Variants in ADGRV1 observed in about 807,000 individuals in gnomAD.
ADGRV1 encodes the protein adhesion G protein-coupled receptor V1.
In ADGRV1, 359 loss-of-function variants were observed where a neutral mutation model predicts 596.2. That is an observed-to-expected ratio of 0.60 (90% confidence interval 0.55 to 0.66). ADGRV1 has a LOEUF of 0.66. Among genes scored for constraint, ADGRV1 ranks in the 30% least tolerant of loss-of-function variants. The probability of loss-of-function intolerance (pLI) is 0.00; values close to 1 mark genes in which losing one functional copy is unlikely to be tolerated. For synonymous variants in ADGRV1, 2,681 were observed against 2,679.2 expected, an observed-to-expected ratio of 1.00 and a Z score of -0.02; for missense variants, 7,274 against 7,575.6, an observed-to-expected ratio of 0.96 and a Z score of 1.48.
Position 90,684,192 on chromosome 5 carries a change from T to C in ADGRV1, c.6271T>C (p.Ser2091Pro). The C allele has an allele frequency of 6.2e-7, 1 of 1,606,678 alleles. No homozygotes were observed. The highest frequency in any genetic ancestry group is 8.5e-7 in the Non-Finnish European group (1 of 1,175,748). The change falls in exon 28 of 90, where the codon TCA (serine) becomes CCA (proline). Residue 2091 changes from serine to proline, a missense_variant. Ser to Pro is a moderately conservative substitution (Grantham distance 74). Around this residue, in one of 5 missense-constraint regions of ADGRV1, gnomAD observed 3,643 missense variants for 3,809.2 expected, o/e 0.96. Coordinates refer to ENST00000405460, the MANE Select transcript of ADGRV1 (RefSeq NM_032119.4). The stretch of plus-strand genomic sequence containing the variant: ...TTTAGTAGCGAAAGTACAGAGTCGT[T>C]CAAGTAAGTATCCCTTAGTGTGTTA... ...STLVAKVQSR[S>P]IPNSPRLGPK... is the part of the protein sequence containing the mutation.
intron 1 of ADGRV1, among the ~76,000 whole-genome samples, chr5:90,573,491 A>G (rs1228822071): frequency 6.6e-6 from 1 of 152,162 alleles, no homozygotes; most frequent in Non-Finnish European, 1.5e-5. Context: ...TACTGTATTG[A>G]ATACTGTAGG....
chr5:90,957,417 G>T (rs183853549), intron 83 of ADGRV1, among the ~76,000 whole-genome samples: 6 of 151,444 alleles, frequency 4.0e-5, no homozygotes, highest in African/African-American at 7.3e-5. Context: ...ACTAGTCTTG[G>T]TGTTAATGAC....
At chr5:90,766,187 G>A (rs1757125715) in intron 59 of ADGRV1, among the ~76,000 whole-genome samples, 1 of 152,108 alleles carries the variant, frequency 6.6e-6, no homozygotes, top group African/African-American at 2.4e-5. Context: ...GGGATTACAG[G>A]CGTGAGCCAC....
intron 7 of ADGRV1, 68 bp from the exon 8 acceptor site, chr5:90,628,494 G>A: frequency 1.5e-6 from 2 of 1,343,132 alleles, no homozygotes; most frequent in Non-Finnish European, 2.1e-6. Flanking sequence ...ACTTGACATT[G>A]GGAAAGCTTA....
At chr5:90,977,878 A>G (rs1779747584) in intron 84 of ADGRV1, among the ~76,000 whole-genome samples, 1 of 152,224 alleles carries the variant, frequency 6.6e-6, no homozygotes. Context: ...CTAATTCTGA[A>G]AAGTATACTT....
chr5:90,796,431 A>T (rs528322461), intron 70 of ADGRV1, among the ~76,000 whole-genome samples: 1 of 152,272 alleles, frequency 6.6e-6, no homozygotes, highest in East Asian at 1.9e-4. Flanking sequence ...TTAGAGAAAA[A>T]AAAAATAAAA....
chr5:90,635,299 G>A lies in ADGRV1; in HGVS notation c.2016+9G>A, dbSNP rs751101663. On this transcript the variant is annotated intron_variant, in intron 10 of 89. Coordinates refer to ENST00000405460, the MANE Select transcript of ADGRV1 (RefSeq NM_032119.4). ...ATTTTGCTGCTGAAGTGGTAAGTAG[G>A]CTCTTTCTTACTGATGGGGGCTAAT... The A allele has an allele frequency of 1.2e-6, 2 of 1,601,818 alleles. No homozygotes were observed. The highest frequency in any genetic ancestry group is 2.2e-5 in the East Asian group (1 of 44,758).
chr5:90,586,705 G>A (rs1260256381), intron 1 of ADGRV1, among the ~76,000 whole-genome samples: 4 of 152,328 alleles, frequency 2.6e-5, no homozygotes, highest in Admixed American at 1.3e-4. Context: ...GAGGCACACC[G>A]TGTCTGGCTC....
At chr5:90,842,146 G>C (rs1373474146) in intron 78 of ADGRV1, among the ~76,000 whole-genome samples, 2 of 152,128 alleles carry the variant, frequency 1.3e-5, no homozygotes, top group African/African-American at 4.8e-5. Flanking sequence ...TGGAAATTCT[G>C]CTACTTTTTG....
At position 90,872,197 on chromosome 5, in the gene ADGRV1, G is replaced by A. The variant is rs1768754886; in HGVS notation, c.17856+8340G>A. Among the ~76,000 whole-genome samples, 4 of 152,234 alleles carry A rather than the reference G, an allele frequency of 2.6e-5. No homozygotes were observed. The South Asian group carries it at 8.3e-4, about 32-fold the overall frequency. ...CAAGCCTGTAACTGTGCCTTTCCTT[G>A]TACTATAGGTAATGTAGACCATGAA... On this transcript the variant is annotated intron_variant, in intron 83 of 89. Transcript: ENST00000405460.
At chr5:90,607,747 A>T (rs1283794337) in intron 1 of ADGRV1, among the ~76,000 whole-genome samples, 1 of 152,122 alleles carries the variant, frequency 6.6e-6, no homozygotes, top group Non-Finnish European at 1.5e-5. Flanking sequence ...CATGCTCAGA[A>T]CTTTCAAGTA....
rs1768019789 is a variant in ADGRV1 at position 90,647,836 on chromosome 5, C to A, written c.3289+72C>A. ...ATAAGATGAAATTAAGCACTGCAGT[C>A]CAATAATGAGGACAAGTAGGGCCTA... On this transcript the variant is annotated intron_variant, in intron 17 of 89. Transcript: ENST00000405460. 3.7e-6 allele frequency: 5 copies of A among 1,351,262 alleles called. No homozygotes were observed. In the East Asian group the frequency reaches 9.2e-5, roughly 25 times the overall value. 83.7% of individuals were successfully genotyped at this position (1,351,262 alleles called of 1,614,324 possible). A position where few individuals can be genotyped will look rare whatever the true frequency, so the allele number is the denominator to read the frequency against.
intron 42 of ADGRV1, among the ~76,000 whole-genome samples, chr5:90,715,428 G>C (rs567242336): frequency 1.3e-4 from 20 of 152,314 alleles, no homozygotes; most frequent in Non-Finnish European, 2.5e-4. Context: ...ATTTGCAACA[G>C]TTCTGTCCTT....
chr5:91,095,423 C>G (rs942056343), intron 86 of ADGRV1, among the ~76,000 whole-genome samples: 3 of 152,146 alleles, frequency 2.0e-5, no homozygotes, highest in African/African-American at 7.2e-5. Context: ...TGACCCCAGT[C>G]TTTAACTTTG....
At chr5:90,731,859 A>G (rs2460176) in intron 50 of ADGRV1, among the ~76,000 whole-genome samples, 17 of 152,096 alleles carry the variant, frequency 1.1e-4, no homozygotes, top group Admixed American at 9.2e-4. Context: ...TATACTCATT[A>G]TGTGTAAATA....
rs1281602674 is a variant in ADGRV1 at position 90,697,089 on chromosome 5, A to G, written c.8098A>G (p.Asn2700Asp). ...TVRVNILAND[N>D]VAGIVSFQTA... ...TAGAGTGAACATTTTGGCCAATGACAATGTGGCAGGAATTGTTAGCTTTCA... is the reference window on the plus strand; with the variant it reads ...TAGAGTGAACATTTTGGCCAATGACGATGTGGCAGGAATTGTTAGCTTTCA... The change falls in exon 34 of 90, where the codon AAT becomes GAT. Residue 2700 changes from asparagine (N) to aspartate (D), a missense_variant. By Grantham distance (23) the Asn-to-Asp change is conservative. Around this residue, in one of 5 missense-constraint regions of ADGRV1, gnomAD observed 3,643 missense variants for 3,809.2 expected, o/e 0.96. Coordinates refer to ENST00000405460, the MANE Select transcript of ADGRV1 (RefSeq NM_032119.4). 1.9e-6 allele frequency: 3 copies of G among 1,613,306 alleles called. No individual in the cohort carries two copies. Among genetic ancestry groups the G allele is most frequent in the African/African-American group, 1.3e-5 (1 of 74,892 alleles).
chr5:91,113,896 G>T (rs1241245842), intron 87 of ADGRV1, among the ~76,000 whole-genome samples: 1 of 151,070 alleles, frequency 6.6e-6, no homozygotes, highest in African/African-American at 2.4e-5. Flanking sequence ...TCCAGCCTGG[G>T]CAACAGAGCG....
At chr5:91,149,445 G>C (rs1795832119) in intron 87 of ADGRV1, among the ~76,000 whole-genome samples, 1 of 152,174 alleles carries the variant, frequency 6.6e-6, no homozygotes, top group Non-Finnish European at 1.5e-5. Context: ...CTGCCACCCT[G>C]TGAAGAGGTG....
At chr5:91,110,250 A>G (rs973843830) in intron 87 of ADGRV1, among the ~76,000 whole-genome samples, 3 of 152,176 alleles carry the variant, frequency 2.0e-5, no homozygotes, top group African/African-American at 7.2e-5. Flanking sequence ...ATTTATTGGT[A>G]ATAATCACCT....
Sources: gnomAD v4.1 joint callset for allele counts (sites outside exome capture counted in the v4.1 genomes callset) on GRCh38, gnomAD v4.1.1 for gene constraint, gnomAD v4.1.1 regional missense constraint, MANE v1.5 for transcripts, NCBI Gene and HGNC (gene_info 2026-07-23, HGNC 2026-07-21) for gene names.